SPHK2: variants seen among roughly 807,000 people sequenced by gnomAD.
The protein encoded by SPHK2 is sphingosine kinase 2.
SPHK2 carries 18 observed loss-of-function variants against 32.3 expected under a neutral mutation model. The observed-to-expected ratio is 0.56, with a 90% CI of 0.39 to 0.83. The LOEUF (loss-of-function observed/expected upper bound fraction) is 0.83, where lower values mean the gene tolerates loss of function less well. Among genes scored for constraint, SPHK2 ranks in the 40% least tolerant of loss-of-function variants. The pLI, the probability that SPHK2 is intolerant of heterozygous loss-of-function variation, is 0.00. For synonymous variants in SPHK2, 462 were observed against 417.6 expected (o/e 1.11, Z -1.30); for missense variants, 850 against 908.7 (o/e 0.94, Z 0.83).
chr19:48,620,293 C>T (rs971828209), intron 1 of SPHK2, 109 bp from the exon 2 acceptor site: 15 of 523,350 alleles, frequency 2.9e-5, no homozygotes, highest in South Asian at 5.7e-5. Flanking sequence ...TACTCTTCCC[C>T]CCACCCGCCA....
chr19:48,626,371 C>A lies in SPHK2; in HGVS notation c.511+9C>A. 6.4e-7 allele frequency: 1 copy of A among 1,563,048 alleles called. No homozygotes were observed. Among genetic ancestry groups the A allele is most frequent in the Non-Finnish European group, 8.6e-7 (1 of 1,164,716 alleles). On this transcript the variant is annotated intron_variant, in intron 3 of 6. Transcript: ENST00000245222. ...ACTGCCCGGGGATGGGGGTGAGGTG[C>A]TGGGCAGCTGCTCTATCCTGGAGCC... is the stretch of plus-strand genomic sequence containing the variant.
At chr19:48,623,329 C>T (rs1241388148) in intron 2 of SPHK2, 1 of 152,142 alleles carries the variant, frequency 6.6e-6, no homozygotes, top group East Asian at 1.9e-4. Context: ...ATCCACCCGC[C>T]TCGGCCTCCC....
chr19:48,620,396 C>A lies in SPHK2; in HGVS notation c.-113-6C>A. 1 of 789,808 alleles carries A rather than the reference C, an allele frequency of 1.3e-6. No homozygotes were observed. The highest frequency in any genetic ancestry group is 1.8e-5 in the South Asian group (1 of 55,242). The allele number at this position is 789,808 out of a possible 1,614,324, so 48.9% of individuals were successfully genotyped here. On this transcript the variant is annotated splice_region_variant and splice_polypyrimidine_tract_variant and intron_variant, in intron 1 of 6. Transcript: ENST00000245222. ...ATGCTGCTCCTCACTTACCTCTCCT[C>A]CACAGAGCTGAAGGTCAGGCCAGGA...
At chr19:48,625,533 A>G in intron 2 of SPHK2, 1 of 1,263,524 alleles carries the variant, frequency 7.9e-7, no homozygotes, top group Non-Finnish European at 1.0e-6. Flanking sequence ...CCACCTGTAT[A>G]TTTCAATCCT....
Position 48,626,076 on chromosome 19 carries a change from C to A in SPHK2, c.225C>A (p.His75Gln). The A allele has an allele frequency of 6.2e-7, 1 of 1,613,090 alleles. No homozygotes were observed. The highest frequency in any genetic ancestry group is 2.2e-5 in the East Asian group (1 of 44,858). ...TCACCCTTACATCGCAGGCCCTGCA[C>A]ATACAGCGGCTGCGCCCCAAACCTG... ...FALTLTSQAL[H>Q]IQRLRPKPEA... Residue 75 changes from histidine to glutamine, a missense_variant, in exon 3 of 7, where the codon CAC (histidine) becomes CAA (glutamine). His to Gln is a conservative substitution (Grantham distance 24, BLOSUM62 0). Transcript: ENST00000245222.
In SPHK2 at chr19:48,628,288, G is replaced by A. The variant is rs763559769; in HGVS notation, c.872+11G>A. 4 of 1,611,666 alleles carry A rather than the reference G, an allele frequency of 2.5e-6. No individual in the cohort carries two copies. Among genetic ancestry groups the A allele is most frequent in the African/African-American group, 1.3e-5 (1 of 75,016 alleles). ...GAACCAGCACGGGGGGTAGGTTGAG[G>A]ATACCACGAAGGGAGGGATGAGCCC... is the stretch of plus-strand genomic sequence containing the variant. On this transcript the variant is annotated intron_variant, in intron 6 of 6. Transcript: ENST00000245222. The surrounding 1 kb of genome is among the most constrained non-coding windows in gnomAD (Gnocchi z 5.2).
chr19:48,630,375 T>G lies in SPHK2; in HGVS notation c.*602T>G. On this transcript the variant is annotated 3_prime_UTR_variant, in exon 7 of 7. Coordinates refer to ENST00000245222, the MANE Select transcript of SPHK2 (RefSeq NM_020126.5). This position sits in a 1 kb window ranked among gnomAD's most constrained non-coding sequence, Gnocchi z 4.9. Reference sequence around the variant, plus strand: ...TCTAAAAAGCAATTGAAAAGGTCTATGCAATAAAGGCAGTCGCTTCATTCC... The same window carrying G: ...TCTAAAAAGCAATTGAAAAGGTCTAGGCAATAAAGGCAGTCGCTTCATTCC... The G allele has an allele frequency of 7.3e-7, 1 of 1,369,634 alleles. No homozygotes were observed. The highest frequency in any genetic ancestry group is 9.4e-7 in the Non-Finnish European group (1 of 1,062,954). 84.8% of individuals were successfully genotyped at this position (1,369,634 alleles called of 1,614,324 possible).
intron 2 of SPHK2, chr19:48,625,436 T>C: frequency 8.4e-7 from 1 of 1,189,460 alleles, no homozygotes; most frequent in South Asian, 1.6e-5. Context: ...TTTCAGTCTT[T>C]GCATGTCTGT....
Position 48,629,260 on chromosome 19 carries a change from A to G in SPHK2, c.1452A>G (p.Ser484=), listed in dbSNP as rs772309224. Residue 484 remains serine (S), a synonymous_variant, in exon 7 of 7, where the codon TCA becomes TCG. Coordinates refer to ENST00000245222, the MANE Select transcript of SPHK2 (RefSeq NM_020126.5). ...GCTCTCCCAAGGCAGCTCTACACTC[A>G]CCCGTCTCCGAAGGGGCCCCCGTAA... ...PPGSPKAALH[S]PVSEGAPVIP... 2.5e-6 allele frequency: 4 copies of G among 1,613,020 alleles called. No individual in the cohort carries two copies. In the African/African-American group the frequency reaches 5.4e-5, roughly 22 times the overall value.
chr19:48,620,208 C>T (rs989348232), intron 1 of SPHK2, among the ~76,000 whole-genome samples, 194 bp from the exon 2 acceptor site: 1 of 152,178 alleles, frequency 6.6e-6, no homozygotes, highest in Admixed American at 6.5e-5. Context: ...AAAAATTAGC[C>T]TTCACTCCTA....
rs756975453 is a variant in SPHK2, at chr19:48,626,268, G to C, written c.417G>C (p.Gly139=). The C allele has an allele frequency of 5.6e-6, 9 of 1,594,402 alleles. No individual in the cohort carries two copies. In the East Asian group the frequency reaches 6.7e-5, roughly 12 times the overall value. ...CCACTCGCACCTTCCGGGCAGATGG[G>C]GCCGCCACCTACGAAGAGAACCGTG... ...RRATRTFRAD[G]AATYEENRAE... Residue 139 remains glycine, a synonymous_variant, in exon 3 of 7, where the codon GGG becomes GGC. Transcript: ENST00000245222.
chr19:48,619,569 AGT>A, intron 1 of SPHK2, 26 bp downstream of exon 1: 1 of 205,972 alleles, frequency 4.9e-6, no homozygotes, highest in Admixed American at 5.4e-5. Context: ...TGGCAGGGCT[AGT>A]CGGGGCATCT....
intron 2 of SPHK2, among the ~76,000 whole-genome samples, chr19:48,622,755 C>T (rs1645331): frequency 7.5e-6 from 1 of 133,434 alleles, no homozygotes; most frequent in African/African-American, 2.8e-5. Flanking sequence ...ACATTTGTCT[C>T]TCTTTTTTTT....
At chr19:48,620,068 C>T (rs1462561334) in intron 1 of SPHK2, among the ~76,000 whole-genome samples, 1 of 152,144 alleles carries the variant, frequency 6.6e-6, no homozygotes, top group African/African-American at 2.4e-5. Flanking sequence ...CACTTAACTT[C>T]TTTGGGCCTT....
chr19:48,629,108 T>C lies in SPHK2; in HGVS notation c.1300T>C (p.Ser434Pro), dbSNP rs1008952537. The C allele has an allele frequency of 1.2e-6, 2 of 1,613,260 alleles. No individual in the cohort carries two copies. Among genetic ancestry groups the C allele is most frequent in the African/African-American group, 2.7e-5 (2 of 74,878 alleles). ...PLPLPQPALA[S>P]PGSPEPLPIL... Reference sequence around the variant, plus strand: ...TCCCCTGCCCCAGCCTGCCCTGGCCTCTCCTGGCTCGCCAGAACCCCTGCC... The same window carrying C: ...TCCCCTGCCCCAGCCTGCCCTGGCCCCTCCTGGCTCGCCAGAACCCCTGCC... The change falls in exon 7 of 7, where the codon TCT becomes CCT. Residue 434 changes from serine (S) to proline (P), a missense_variant. Physicochemically the swap from Ser to Pro is moderately conservative, Grantham distance 74. This residue lies in a region of SPHK2 where 544 missense variants were observed against 640.0 expected (regional missense o/e 0.85). Transcript: ENST00000245222.
rs775222538 is a variant in SPHK2, at chr19:48,628,042, G to A, written c.729G>A (p.Thr243=). Residue 243 remains threonine, a synonymous_variant, in exon 5 of 7, where the codon ACG becomes ACA. Transcript: ENST00000245222. This position sits in a 1 kb window ranked among gnomAD's most constrained non-coding sequence, Gnocchi z 5.2. Reference sequence around the variant, plus strand: ...TGAGTGAGTGGGATGGCATCGTCACGGTCTCGGGAGACGGGCTGCTCCATG... The same window carrying A: ...TGAGTGAGTGGGATGGCATCGTCACAGTCTCGGGAGACGGGCTGCTCCATG... ...LSLSEWDGIV[T]VSGDGLLHEV... 1.2e-5 allele frequency: 19 copies of A among 1,594,720 alleles called. No homozygotes were observed. The highest frequency in any genetic ancestry group is 1.0e-4 in the Admixed American group (6 of 58,362).
At chr19:48,625,316 C>G (rs1974562503) in intron 2 of SPHK2, 47 of 1,120,522 alleles carry the variant, frequency 4.2e-5, no homozygotes, top group Non-Finnish European at 5.1e-5. Context: ...CTGTTTGTCT[C>G]CTCTCAGTGT....
At chr19:48,620,671 C>A in intron 2 of SPHK2, 118 bp downstream of exon 2, 2 of 883,702 alleles carry the variant, frequency 2.3e-6, no homozygotes, top group Non-Finnish European at 3.4e-6. Context: ...AGCTTGTAAT[C>A]CCAGCACTCT....
Position 48,629,813 on chromosome 19 carries a change from A to G in SPHK2, c.*40A>G, listed in dbSNP as rs756557867. On this transcript the variant is annotated 3_prime_UTR_variant, in exon 7 of 7. Transcript: ENST00000245222. Reference sequence around the variant, plus strand: ...GGTACCCGCCGGGGGCGGGGCCTACATTCCAATGGGGCGGAGCCTGAGCTA... The same window carrying G: ...GGTACCCGCCGGGGGCGGGGCCTACGTTCCAATGGGGCGGAGCCTGAGCTA... 5.2e-5 allele frequency: 79 copies of G among 1,524,164 alleles called. No homozygotes were observed. Among genetic ancestry groups the G allele is most frequent in the Non-Finnish European group, 6.8e-5 (77 of 1,134,888 alleles). The allele number at this position is 1,524,164 out of a possible 1,614,324, so 94.4% of individuals were successfully genotyped here.
Sources: gnomAD v4.1 joint callset for allele counts (sites outside exome capture counted in the v4.1 genomes callset) on GRCh38, gnomAD v4.1.1 for gene constraint, gnomAD v4.1.1 regional missense constraint, Gnocchi (gnomAD v3.1) non-coding constraint, MANE v1.5 for transcripts, NCBI Gene and HGNC (gene_info 2026-07-23, HGNC 2026-07-21) for gene names.